Variants in IL1R2 observed in about 807,000 individuals in gnomAD.
IL1R2 encodes interleukin 1 receptor type 2.
A neutral mutation model predicts 39.5 loss-of-function variants in IL1R2; 46 were observed. That is an observed-to-expected ratio of 1.16 (90% CI 0.92 to 1.49). IL1R2 has a LOEUF of 1.49. Among genes scored for constraint, IL1R2 ranks in the 40% most tolerant of loss-of-function variants. IL1R2 has a pLI of 0.00. For synonymous variants in IL1R2, 207 were observed against 189.6 expected, an observed-to-expected ratio of 1.09 and a Z score of -0.75; for missense variants, 537 against 502.0, an observed-to-expected ratio of 1.07 and a Z score of -0.67.
At chr2:102,008,712 G>C in intron 2 of IL1R2, 70 bp downstream of exon 2, 6 of 1,366,612 alleles carry the variant, frequency 4.4e-6, no homozygotes, top group Admixed American at 3.4e-5. Flanking sequence ...GTTATCTAGA[G>C]AAGTTTCCTT....
At chr2:102,013,566 AGAAAAG>A (rs1676791583) in intron 3 of IL1R2, among the ~76,000 whole-genome samples, 1 of 142,640 alleles carries the variant, frequency 7.0e-6, no homozygotes, top group Non-Finnish European at 1.5e-5. Context: ...AAGAAAGAAA[AGAAAAG>A]AAGGAAAAGA....
At chr2:102,017,362 A>C (rs1245174992) in intron 4 of IL1R2, among the ~76,000 whole-genome samples, 1 of 148,182 alleles carries the variant, frequency 6.7e-6, no homozygotes, top group Admixed American at 6.9e-5. Flanking sequence ...ACGCCATTGC[A>C]CTCCAGCCTG....
At chr2:101,996,226 A>G (rs375846395) in intron 1 of IL1R2, among the ~76,000 whole-genome samples, 25 of 152,262 alleles carry the variant, frequency 1.6e-4, no homozygotes, top group African/African-American at 6.0e-4. Flanking sequence ...ACCAAGCTTC[A>G]CAGAGCTGCT....
At chr2:102,007,643 T>C (rs1676349247) in intron 1 of IL1R2, among the ~76,000 whole-genome samples, 1 of 152,184 alleles carries the variant, frequency 6.6e-6, no homozygotes, top group Admixed American at 6.5e-5. Flanking sequence ...CAGTCTGTGG[T>C]CTGTGCCTTT....
intron 3 of IL1R2, among the ~76,000 whole-genome samples, chr2:102,013,421 T>TAGGCA (rs1419743936): frequency 6.9e-6 from 1 of 144,608 alleles, no homozygotes; most frequent in Admixed American, 7.4e-5. Context: ...TGAGTCAGAG[T>TAGGCA]AGGCAAGGAT....
chr2:101,999,478 G>C (rs894430696), intron 1 of IL1R2, among the ~76,000 whole-genome samples: 1 of 152,226 alleles, frequency 6.6e-6, no homozygotes, highest in African/African-American at 2.4e-5. Context: ...ACTTCGGCAA[G>C]AGAGTTGACT....
chr2:102,021,504 CAG>C (rs1312587953), intron 5 of IL1R2, among the ~76,000 whole-genome samples: 1 of 152,156 alleles, frequency 6.6e-6, no homozygotes, highest in Non-Finnish European at 1.5e-5. Flanking sequence ...TTAGTAGAGA[CAG>C]GGGTTCACCA....
intron 7 of IL1R2, 175 bp downstream of exon 7, chr2:102,024,843 C>T: frequency 1.2e-6 from 1 of 804,500 alleles, no homozygotes; most frequent in Non-Finnish European, 1.8e-6. Context: ...GAGAATCAAA[C>T]TTTCTCTGTA....
At chr2:101,992,820 C>T (rs1452257935) in intron 1 of IL1R2, among the ~76,000 whole-genome samples, 1 of 152,166 alleles carries the variant, frequency 6.6e-6, no homozygotes, top group Non-Finnish European at 1.5e-5. Context: ...CTGGTGGAGG[C>T]TCAGGCGACT....
chr2:102,023,830 G>A (rs1297692568), intron 6 of IL1R2, among the ~76,000 whole-genome samples: 5 of 151,644 alleles, frequency 3.3e-5, no homozygotes, highest in Non-Finnish European at 7.4e-5. Flanking sequence ...GGTGGATCAC[G>A]AGGTTAGGAG....
At chr2:102,000,387 T>A (rs112447248) in intron 1 of IL1R2, among the ~76,000 whole-genome samples, 3,736 of 152,320 alleles carry the variant, frequency 0.025, 69 homozygotes, top group Non-Finnish European at 0.037. Context: ...CACTTCTCTG[T>A]CCAGGTACAC....
At chr2:102,002,290 GTGTGTCTGTGTCTGTGTC>G (rs200294532) in intron 1 of IL1R2, among the ~76,000 whole-genome samples, 30 of 150,102 alleles carry the variant, frequency 2.0e-4, no homozygotes, top group Middle Eastern at 3.4e-3. Flanking sequence ...GTCTGTGTCT[GTGTGTCTGTGTCTGTGTC>G]TGTGTCTGTG....
chr2:102,026,550 G>A (rs983226874), intron 8 of IL1R2, among the ~76,000 whole-genome samples: 12 of 152,272 alleles, frequency 7.9e-5, no homozygotes, highest in African/African-American at 2.6e-4. Context: ...CTCTGCCTTG[G>A]GTCACTAATC....
At chr2:101,993,746 C>T (rs993994121) in intron 1 of IL1R2, among the ~76,000 whole-genome samples, 1 of 152,134 alleles carries the variant, frequency 6.6e-6, no homozygotes, top group Non-Finnish European at 1.5e-5. Context: ...CTTTTGGGGG[C>T]CTTTGCTCTT....
At chr2:101,993,197 G>A (rs1209462938) in intron 1 of IL1R2, among the ~76,000 whole-genome samples, 2 of 152,246 alleles carry the variant, frequency 1.3e-5, no homozygotes, top group East Asian at 1.9e-4. Flanking sequence ...CCTGGCTCTC[G>A]GGTGGTTTTC....
Position 102,026,002 on chromosome 2 carries a change from A to G in IL1R2, c.888-109A>G, listed in dbSNP as rs1577739000. 8.4e-6 allele frequency: 7 copies of G among 834,334 alleles called. No individual in the cohort carries two copies. The East Asian group carries it at 1.8e-4, about 22-fold the overall frequency. The allele number at this position is 834,334 out of a possible 1,614,324, so 51.7% of individuals were successfully genotyped here. ...CCTAACTTTATGAAACTTGAAAACA[A>G]TAAAAGCGCAATGGGTACTTCTAAA... is the stretch of plus-strand genomic sequence containing the variant. On this transcript the variant is annotated intron_variant, in intron 7 of 8. Coordinates refer to ENST00000332549, the MANE Select transcript of IL1R2 (RefSeq NM_004633.4).
intron 4 of IL1R2, among the ~76,000 whole-genome samples, chr2:102,018,323 G>A (rs920018967): frequency 6.6e-6 from 1 of 152,216 alleles, no homozygotes; most frequent in African/African-American, 2.4e-5. Flanking sequence ...AGGCTCTGGC[G>A]TCAATGGGTC....
At chr2:102,021,777 G>A (rs1281353360) in intron 5 of IL1R2, among the ~76,000 whole-genome samples, 1 of 152,224 alleles carries the variant, frequency 6.6e-6, no homozygotes, top group Non-Finnish European at 1.5e-5. Context: ...GAAGAACTGA[G>A]TCTTGAGTAT....
intron 8 of IL1R2, 66 bp from the exon 9 acceptor site, chr2:102,028,160 A>G: frequency 2.2e-6 from 3 of 1,342,958 alleles, no homozygotes; most frequent in South Asian, 3.5e-5. Context: ...GTACACCTGC[A>G]TTGCCCTGTC....
Sources: allele counts gnomAD v4.1 joint callset (sites outside exome capture counted in the v4.1 genomes callset), GRCh38; gene constraint gnomAD v4.1.1; transcripts MANE v1.5; gene names NCBI Gene and HGNC (gene_info 2026-07-23, HGNC 2026-07-21).